The following ADAMTSL3 variants were observed in gnomAD, a reference collection of about 807,000 sequenced individuals.
ADAMTSL3 encodes the protein ADAMTS like 3, also known as ADAMTS-like protein 3.
ADAMTSL3 carries 128 observed loss-of-function variants against 201.7 expected under a neutral mutation model. The observed-to-expected ratio is 0.63, with a 90% CI of 0.55 to 0.73. The LOEUF is 0.73. Ranked by LOEUF, ADAMTSL3 falls within the 30% of genes least tolerant of loss-of-function variation. The pLI is 0.00. For missense variants in ADAMTSL3, 1,990 were observed against 2,119.6 expected (o/e 0.94, Z 1.20); for synonymous variants, 738 against 748.4 (o/e 0.99, Z 0.23).
chr15:83,716,156 A>G (rs578218242), intron 3 of ADAMTSL3, among the ~76,000 whole-genome samples: 3 of 152,330 alleles, frequency 2.0e-5, no homozygotes, highest in African/African-American at 7.2e-5. Context: ...GAGTGACAAG[A>G]CTTGAAGAAA....
chr15:83,714,795 C>CTTTTTTCTT (rs1391950676), intron 3 of ADAMTSL3, among the ~76,000 whole-genome samples: 1 of 102,038 alleles, frequency 9.8e-6, no homozygotes, highest in African/African-American at 3.6e-5. Flanking sequence ...TTTTCTTTCT[C>CTTTTTTCTT]TCTCTTTCTT....
At chr15:83,866,102 G>C (rs1240822324) in intron 8 of ADAMTSL3, among the ~76,000 whole-genome samples, 8 of 152,312 alleles carry the variant, frequency 5.3e-5, no homozygotes, top group Non-Finnish European at 5.9e-5. Context: ...TAAAAAGTCA[G>C]GAAACAACAG....
intron 15 of ADAMTSL3, among the ~76,000 whole-genome samples, chr15:83,910,240 A>G (rs900650307): frequency 6.6e-6 from 1 of 151,892 alleles, no homozygotes; most frequent in East Asian, 1.9e-4. Flanking sequence ...AAGTTCTTCC[A>G]TGTGCAAAGA....
At chr15:83,689,443 AAT>A (rs2061583546) in intron 2 of ADAMTSL3, among the ~76,000 whole-genome samples, 2 of 152,196 alleles carry the variant, frequency 1.3e-5, no homozygotes, top group South Asian at 4.1e-4. Flanking sequence ...ATCCCTAAAT[AAT>A]ATATCATTTT....
intron 5 of ADAMTSL3, among the ~76,000 whole-genome samples, chr15:83,813,095 C>T (rs1174730673): frequency 2.0e-5 from 3 of 152,206 alleles, no homozygotes; most frequent in South Asian, 2.1e-4. Context: ...TTTAGCAACA[C>T]GTGAGCACAA....
In ADAMTSL3 at chr15:83,744,337, A is replaced by G. The variant is rs564415143; in HGVS notation, c.190-29186A>G. 3.3e-5 allele frequency among the ~76,000 whole-genome samples: 5 copies of G among 152,316 alleles called. No individual in the cohort carries two copies. In the South Asian group the frequency reaches 1.0e-3, roughly 32 times the overall value. ...TTTTTTTCTAATTTACATACTTCAG[A>G]TTCCATGATTTTCTCATTCTCACTC... On this transcript the variant is annotated intron_variant, in intron 3 of 29. Transcript: ENST00000286744.
intron 2 of ADAMTSL3, among the ~76,000 whole-genome samples, chr15:83,688,517 CT>C (rs35692526): frequency 2.6e-4 from 39 of 147,928 alleles, no homozygotes; most frequent in South Asian, 2.2e-3. Context: ...ATAACAGACT[CT>C]TTTTTTTTTG....
intron 3 of ADAMTSL3, among the ~76,000 whole-genome samples, chr15:83,742,004 A>G: frequency 6.6e-6 from 1 of 152,224 alleles, no homozygotes; most frequent in South Asian, 2.1e-4. Context: ...ATAAATGTAT[A>G]TCGAACCTTC....
intron 19 of ADAMTSL3, among the ~76,000 whole-genome samples, chr15:83,944,466 C>T (rs1198771673): frequency 6.6e-6 from 1 of 152,162 alleles, no homozygotes; most frequent in Non-Finnish European, 1.5e-5. Flanking sequence ...TAAGGAAGGA[C>T]AGTGAGTGAC....
chr15:84,024,078 A>ACC (rs1302236544), intron 26 of ADAMTSL3, among the ~76,000 whole-genome samples: 2 of 152,038 alleles, frequency 1.3e-5, no homozygotes, highest in African/African-American at 4.8e-5. Context: ...ACACGGTGAA[A>ACC]CCCCGTCCCT....
chr15:83,708,546 A>G (rs533830826), intron 3 of ADAMTSL3, among the ~76,000 whole-genome samples: 6 of 152,344 alleles, frequency 3.9e-5, no homozygotes, highest in African/African-American at 1.4e-4. Flanking sequence ...CCAACTGAGT[A>G]ACAATGTGGT....
chr15:83,982,331 C>A lies in ADAMTSL3; in HGVS notation c.2703C>A (p.Val901=). The change falls in exon 21 of 30, where the codon GTC becomes GTA. Residue 901 remains valine (V), a synonymous_variant. Transcript: ENST00000286744. ...LGEQGPQILS[V]QRVYIQTREE... ...AGCAGGGTCCGCAGATCCTCAGTGT[C>A]CAGAGAGTCTACATTCAGACAAGGG... The A allele has an allele frequency of 6.2e-7, 1 of 1,613,630 alleles. No individual in the cohort carries two copies. The highest frequency in any genetic ancestry group is 2.2e-5 in the East Asian group (1 of 44,858).
At chr15:83,802,606 A>G (rs1282894056) in intron 4 of ADAMTSL3, among the ~76,000 whole-genome samples, 2 of 152,242 alleles carry the variant, frequency 1.3e-5, no homozygotes, top group Non-Finnish European at 2.9e-5. Context: ...AAAAAGCTAC[A>G]TATGCTGGGA....
chr15:83,834,556 A>C (rs1329564486), intron 6 of ADAMTSL3, among the ~76,000 whole-genome samples: 1 of 152,168 alleles, frequency 6.6e-6, no homozygotes, highest in African/African-American at 2.4e-5. Flanking sequence ...CTTCATTTGG[A>C]CTAGTGCCAC....
chr15:83,735,489 C>T lies in ADAMTSL3; in HGVS notation c.189+30981C>T, dbSNP rs368735229. 3.9e-5 allele frequency among the ~76,000 whole-genome samples: 6 copies of T among 152,142 alleles called. No individual in the cohort carries two copies. The East Asian group carries it at 1.2e-3, about 29-fold the overall frequency. ...GAAAGGAAATATTTCAATGTTGGGTCTCTTTAATCTTCTTTCCAGATTCAT... is the reference window on the plus strand; with the variant it reads ...GAAAGGAAATATTTCAATGTTGGGTTTCTTTAATCTTCTTTCCAGATTCAT... On this transcript the variant is annotated intron_variant, in intron 3 of 29. Transcript: ENST00000286744.
intron 16 of ADAMTSL3, among the ~76,000 whole-genome samples, chr15:83,914,245 T>G (rs1267301513): frequency 6.6e-6 from 1 of 152,126 alleles, no homozygotes; most frequent in Non-Finnish European, 1.5e-5. Flanking sequence ...GATGCTGTCT[T>G]AGAGCTCTTG....
chr15:83,813,335 A>G (rs74622342), intron 5 of ADAMTSL3, among the ~76,000 whole-genome samples: 8,290 of 152,302 alleles, frequency 0.054, 293 homozygotes, highest in Non-Finnish European at 0.08. Context: ...GATCCCTAGC[A>G]TAGGGGAGGA....
chr15:83,929,717 GAC>G (rs2066318418), intron 17 of ADAMTSL3, among the ~76,000 whole-genome samples: 1 of 150,088 alleles, frequency 6.7e-6, no homozygotes, highest in South Asian at 2.1e-4. Flanking sequence ...GACAGAGAGA[GAC>G]AGAGAGACAG....
At chr15:83,832,341 A>G (rs2064173251) in intron 6 of ADAMTSL3, among the ~76,000 whole-genome samples, 1 of 152,148 alleles carries the variant, frequency 6.6e-6, no homozygotes, top group Non-Finnish European at 1.5e-5. Flanking sequence ...AGGGGCTTGC[A>G]GGATAAAGGT....
Sources: allele counts gnomAD v4.1 joint callset (sites outside exome capture counted in the v4.1 genomes callset), GRCh38; gene constraint gnomAD v4.1.1; transcripts MANE v1.5; gene names NCBI Gene and HGNC (gene_info 2026-07-23, HGNC 2026-07-21).